CNTN6: variants seen among roughly 807,000 people sequenced by gnomAD.
CNTN6 encodes the protein contactin-6.
In CNTN6, 137 loss-of-function variants were observed where a neutral mutation model predicts 122.8. The ratio of observed to expected loss-of-function variants is 1.12; its 90% confidence interval spans 0.97 to 1.29. CNTN6 has a LOEUF of 1.29. Ranked by LOEUF, CNTN6 falls within the 50% of genes most tolerant of loss-of-function variation. CNTN6 has a pLI of 0.00. For synonymous variants in CNTN6, 570 were observed against 426.0 expected (o/e 1.34, Z -4.16); for missense variants, 1,634 against 1,223.4 (o/e 1.34, Z -5.01).
At chr3:1,133,855 G>A (rs4481144) in intron 1 of CNTN6, among the ~76,000 whole-genome samples, 103,149 of 152,042 alleles carry the variant, frequency 0.68, 36,032 homozygotes, top group African/African-American at 0.85. Flanking sequence ...GATCCTCTAA[G>A]TCTAATCAGT....
At chr3:1,387,127 T>C (rs1693131224) in intron 20 of CNTN6, among the ~76,000 whole-genome samples, 1 of 151,206 alleles carries the variant, frequency 6.6e-6, no homozygotes, top group Non-Finnish European at 1.5e-5. Context: ...AAATAGAAAT[T>C]ATCTCTGTCC....
intron 12 of CNTN6, among the ~76,000 whole-genome samples, chr3:1,368,206 A>AT (rs549391834): frequency 6.1e-4 from 93 of 152,306 alleles, no homozygotes; most frequent in African/African-American, 2.2e-3. Flanking sequence ...TAAAACAGGC[A>AT]TTTTGAACTA....
At chr3:1,388,213 C>A (rs933483812) in intron 20 of CNTN6, among the ~76,000 whole-genome samples, 2 of 150,008 alleles carry the variant, frequency 1.3e-5, no homozygotes, top group African/African-American at 2.5e-5. Flanking sequence ...AGCTGGAGAT[C>A]TGAGAACTGG....
Position 1,227,817 on chromosome 3 carries a change from G to A in CNTN6, c.183-1G>A. On this transcript the variant is annotated splice_acceptor_variant, in intron 3 of 22. Transcript: ENST00000446702. LOFTEE classifies it high-confidence loss of function. Reference sequence around the variant, plus strand: ...GCACTTTATTTTTTTTTTCCTTGAAGGTGGAAGCAAAATGGCACAGACATT... The same window carrying A: ...GCACTTTATTTTTTTTTTCCTTGAAAGTGGAAGCAAAATGGCACAGACATT... 6.2e-7 allele frequency: 1 copy of A among 1,610,282 alleles called. No individual in the cohort carries two copies. The highest frequency in any genetic ancestry group is 2.2e-5 in the East Asian group (1 of 44,840).
At chr3:1,162,689 CAT>C (rs1272316951) in intron 2 of CNTN6, among the ~76,000 whole-genome samples, 1 of 152,226 alleles carries the variant, frequency 6.6e-6, no homozygotes, top group Non-Finnish European at 1.5e-5. Context: ...TGCATAATGA[CAT>C]AGCTGTGGAA....
chr3:1,261,164 A>G (rs75105428), intron 4 of CNTN6, among the ~76,000 whole-genome samples: 3,284 of 152,232 alleles, frequency 0.022, 94 homozygotes, highest in African/African-American at 0.071. Context: ...TAGTTACTTA[A>G]TAAATTTGGC....
chr3:1,273,007 G>A (rs2095051342), intron 4 of CNTN6, among the ~76,000 whole-genome samples: 1 of 151,952 alleles, frequency 6.6e-6, no homozygotes, highest in Non-Finnish European at 1.5e-5. Context: ...TCATTTTATG[G>A]GCCATTCTCA....
intron 7 of CNTN6, among the ~76,000 whole-genome samples, chr3:1,312,559 A>G (rs895194479): frequency 6.6e-6 from 1 of 151,404 alleles, no homozygotes. Context: ...ATTTGGAGGC[A>G]TCTCAATATG....
chr3:1,182,527 GT>G (rs2093569949), intron 2 of CNTN6, among the ~76,000 whole-genome samples: 1 of 151,902 alleles, frequency 6.6e-6, no homozygotes, highest in Non-Finnish European at 1.5e-5. Context: ...TATTCTCTTG[GT>G]TTAAATCACA....
chr3:1,315,673 T>C (rs1183811363), intron 7 of CNTN6, among the ~76,000 whole-genome samples: 2 of 151,936 alleles, frequency 1.3e-5, no homozygotes, highest in African/African-American at 4.8e-5. Context: ...CACTGTCTGA[T>C]TGCTTTCTTC....
At chr3:1,220,008 T>A (rs116164884) in intron 2 of CNTN6, among the ~76,000 whole-genome samples, 195 of 91,886 alleles carry the variant, frequency 2.1e-3, no homozygotes, top group African/African-American at 0.011. Context: ...TCTCAAAAAA[T>A]AAAAAGAAAA....
At chr3:1,246,966 G>A (rs2094590915) in intron 4 of CNTN6, among the ~76,000 whole-genome samples, 1 of 152,034 alleles carries the variant, frequency 6.6e-6, no homozygotes, top group South Asian at 2.1e-4. Context: ...TGTGTCGCTT[G>A]CCTTTTCACT....
At chr3:1,122,211 A>C (rs751180795) in intron 1 of CNTN6, among the ~76,000 whole-genome samples, 82 of 152,006 alleles carry the variant, frequency 5.4e-4, no homozygotes, top group Non-Finnish European at 9.1e-4. Flanking sequence ...GTGCATATCC[A>C]GATATACCAC....
At chr3:1,250,233 C>T (rs1225845144) in intron 4 of CNTN6, among the ~76,000 whole-genome samples, 1 of 152,176 alleles carries the variant, frequency 6.6e-6, no homozygotes, top group Non-Finnish European at 1.5e-5. Context: ...CTTTAAACCT[C>T]GGTCTAATGG....
At chr3:1,178,308 G>A (rs527294400) in intron 2 of CNTN6, among the ~76,000 whole-genome samples, 19 of 152,130 alleles carry the variant, frequency 1.2e-4, no homozygotes, top group Non-Finnish European at 2.5e-4. Context: ...TTTAGTTTAG[G>A]AATTCCTTAA....
chr3:1,352,591 C>T lies in CNTN6; in HGVS notation c.1492+140C>T, dbSNP rs1027356145. The T allele has an allele frequency of 2.3e-4, 220 of 953,514 alleles. 1 individual carries two copies. Among genetic ancestry groups the T allele is most frequent in the Middle Eastern group, 3.1e-4 (1 of 3,252 alleles). The allele number at this position is 953,514 out of a possible 1,614,324, so 59.1% of individuals were successfully genotyped here. On this transcript the variant is annotated intron_variant, in intron 12 of 22. Coordinates refer to ENST00000446702, the MANE Select transcript of CNTN6 (RefSeq NM_001289080.2). ...ACAAGTTATCTAAGAGATCCATTCC[C>T]GTACTCATTAATAACATGCACACTT...
chr3:1,265,494 C>A (rs1037719774), intron 4 of CNTN6, among the ~76,000 whole-genome samples: 5 of 152,186 alleles, frequency 3.3e-5, no homozygotes, highest in African/African-American at 1.2e-4. Context: ...TAATTCTGTC[C>A]CTCACACAAC....
At chr3:1,197,405 G>A (rs896783692) in intron 2 of CNTN6, among the ~76,000 whole-genome samples, 1 of 152,214 alleles carries the variant, frequency 6.6e-6, no homozygotes, top group Non-Finnish European at 1.5e-5. Flanking sequence ...ATCGGCCTTT[G>A]TGATTTGCCA....
At chr3:1,301,751 T>G (rs1697465395) in intron 7 of CNTN6, among the ~76,000 whole-genome samples, 1 of 152,204 alleles carries the variant, frequency 6.6e-6, no homozygotes, top group African/African-American at 2.4e-5. Context: ...TAAGATGCCC[T>G]GTATAACAAT....
Sources: gnomAD v4.1 joint callset for allele counts (sites outside exome capture counted in the v4.1 genomes callset) on GRCh38, gnomAD v4.1.1 for gene constraint, MANE v1.5 for transcripts, NCBI Gene and HGNC (gene_info 2026-07-23, HGNC 2026-07-21) for gene names.